LPA: variants seen among roughly 807,000 people sequenced by gnomAD.
The protein encoded by LPA is apolipoprotein(a).
In LPA, 199 loss-of-function variants were observed where a neutral mutation model predicts 197.9. The ratio of observed to expected loss-of-function variants is 1.01; its 90% CI spans 0.90 to 1.13. The LOEUF is 1.13. LPA is among the 50% of genes most tolerant of loss of function. The pLI is 0.00. For synonymous variants in LPA, 715 were observed against 639.5 expected (o/e 1.12, Z -1.78); for missense variants, 1,853 against 1,785.8 (o/e 1.04, Z -0.68).
chr6:160,598,363 A>C (rs1442827061), intron 20 of LPA, among the ~76,000 whole-genome samples: 1 of 152,176 alleles, frequency 6.6e-6, no homozygotes, highest in Non-Finnish European at 1.5e-5. Context: ...CTACCTGAGT[A>C]ATCCCAAAGT....
rs763510764 is a variant in LPA at position 160,542,726 on chromosome 6, G to A, written c.5481C>T (p.His1827=). Residue 1827 remains histidine, a synonymous_variant, in exon 34 of 39, where the codon CAC becomes CAT. Transcript: ENST00000316300. ...TGACTTGCCAGGGCCAGGAATGTGG[G>A]TGGGCCACACACCCCCCTACAATGC... is the stretch of plus-strand genomic sequence containing the variant. ...PGSIVGGCVA[H]PHSWPWQVSL... The A allele has an allele frequency of 7.4e-6, 12 of 1,613,954 alleles. No individual in the cohort carries two copies. Among genetic ancestry groups the A allele is most frequent in the Non-Finnish European group, 9.3e-6 (11 of 1,179,978 alleles).
intron 28 of LPA, among the ~76,000 whole-genome samples, chr6:160,575,883 C>A (rs923353258): frequency 2.0e-5 from 3 of 152,108 alleles, no homozygotes; most frequent in African/African-American, 7.2e-5. Flanking sequence ...CTCTTTATCT[C>A]CACAAATTCT....
At chr6:160,602,879 C>G (rs889590551) in intron 18 of LPA, among the ~76,000 whole-genome samples, 1 of 152,064 alleles carries the variant, frequency 6.6e-6, no homozygotes, top group Non-Finnish European at 1.5e-5. Context: ...ATTTGTATCA[C>G]TGTTCTTCTA....
chr6:160,585,957 G>T (rs1345272084), intron 25 of LPA, among the ~76,000 whole-genome samples: 1 of 152,116 alleles, frequency 6.6e-6, no homozygotes, highest in Non-Finnish European at 1.5e-5. Flanking sequence ...TAAACAATTT[G>T]GTGGCTATGT....
intron 28 of LPA, among the ~76,000 whole-genome samples, chr6:160,561,555 C>A (rs1778362527): frequency 6.6e-6 from 1 of 152,064 alleles, no homozygotes; most frequent in Non-Finnish European, 1.5e-5. Context: ...GATATACAGG[C>A]CCTTTTTCTA....
rs1780268968 is a variant in LPA at position 160,664,053 on chromosome 6, G to A, written c.49+113C>T. On this transcript the variant is annotated intron_variant, in intron 1 of 38. Transcript: ENST00000316300. ...AATCATATACAAGATTTTGAACTGG[G>A]AATTTCATGAATCAAAAATTAAATG... 3.9e-6 allele frequency: 5 copies of A among 1,267,446 alleles called. No homozygotes were observed. The Admixed American group carries it at 8.8e-5, about 22-fold the overall frequency. 78.5% of individuals were successfully genotyped at this position (1,267,446 alleles called of 1,614,324 possible). A position where few individuals can be genotyped will look rare whatever the true frequency, so the allele number is the denominator to read the frequency against.
intron 1 of LPA, among the ~76,000 whole-genome samples, chr6:160,654,317 T>G (rs1275748020): frequency 6.7e-6 from 1 of 149,446 alleles, no homozygotes; most frequent in Non-Finnish European, 1.5e-5. Flanking sequence ...TCTTTTCACA[T>G]TTTTCTCCCT....
chr6:160,608,625 C>A (rs982293243), intron 16 of LPA, among the ~76,000 whole-genome samples: 1 of 151,912 alleles, frequency 6.6e-6, no homozygotes, highest in Non-Finnish European at 1.5e-5. Flanking sequence ...CATTGAATTT[C>A]GTGTTTTTGC....
chr6:160,576,334 GTGTGTGTATATATATA>G (rs1467178646), intron 28 of LPA, among the ~76,000 whole-genome samples: 4,923 of 69,782 alleles, frequency 0.071, 335 homozygotes, highest in African/African-American at 0.26. Flanking sequence ...GTGTGTGTGT[GTGTGTGTATATATATA>G]TATATATATA....
intron 16 of LPA, among the ~76,000 whole-genome samples, chr6:160,610,818 T>G (rs1779486451): frequency 1.3e-5 from 2 of 151,920 alleles, no homozygotes; most frequent in Admixed American, 6.6e-5. Context: ...ATCTATGGAG[T>G]TGAGCTCATC....
chr6:160,654,091 T>A (rs1186585591), intron 1 of LPA, among the ~76,000 whole-genome samples: 1 of 43,978 alleles, frequency 2.3e-5, no homozygotes. Context: ...TTATATATAT[T>A]ATATATAATA....
At chr6:160,654,095 TATA>T (rs1562355122) in intron 1 of LPA, among the ~76,000 whole-genome samples, 2 of 51,146 alleles carry the variant, frequency 3.9e-5, no homozygotes, top group African/African-American at 1.6e-4. Context: ...ATATATTATA[TATA>T]ATATAATATA....
At chr6:160,635,024 G>A (rs1779783334) in intron 7 of LPA, 99 bp downstream of exon 7, 9 of 1,505,540 alleles carry the variant, frequency 6.0e-6, no homozygotes, top group Admixed American at 1.7e-5. Flanking sequence ...CAACACTCGA[G>A]CATCCGTTTA....
chr6:160,553,963 G>GCGCGCGCA lies in LPA; in HGVS notation c.4973+2061_4973+2062insTGCGCGCG, dbSNP rs1554231719. On this transcript the variant is annotated intron_variant, in intron 30 of 38. Transcript: ENST00000316300. ...TGTGTGTGTGTGTGTGTGCGCGCGC[G>GCGCGCGCA]CGCGTGTGCGTGTGTGTGTGTCTTA... 1.6e-4 allele frequency among the ~76,000 whole-genome samples: 24 copies of GCGCGCGCA among 150,114 alleles called. No individual in the cohort carries two copies. In the South Asian group the frequency reaches 3.4e-3, roughly 21 times the overall value.
chr6:160,565,409 C>T (rs541128046), intron 28 of LPA, among the ~76,000 whole-genome samples: 1 of 152,196 alleles, frequency 6.6e-6, no homozygotes, highest in Non-Finnish European at 1.5e-5. Context: ...CCCAGGCAAA[C>T]AGGGACTGGA....
intron 28 of LPA, among the ~76,000 whole-genome samples, chr6:160,576,249 T>C (rs1778656251): frequency 6.7e-6 from 1 of 149,894 alleles, no homozygotes; most frequent in East Asian, 1.9e-4. Flanking sequence ...GCTTTTGCTC[T>C]TCAAGTCCTG....
In LPA at chr6:160,555,461, GTGTATATATATA is replaced by G. The variant is rs1280907120; in HGVS notation, c.4973+552_4973+563del. The stretch of plus-strand genomic sequence containing the variant: ...CATATATATATATATATATATGTGT[GTGTATATATATA>G]TGTATATATATATGAATACTAGTCT... On this transcript the variant is annotated intron_variant, in intron 30 of 38. Coordinates refer to ENST00000316300, the MANE Select transcript of LPA (RefSeq NM_005577.4). Among the ~76,000 whole-genome samples, 175 of 103,202 alleles carry G rather than the reference GTGTATATATATA, an allele frequency of 1.7e-3. 3 individuals are homozygous for G. The highest frequency in any genetic ancestry group is 2.6e-3 in the Non-Finnish European group (119 of 46,596). The allele number at this position is 103,202 out of a possible 152,430, so 67.7% of individuals were successfully genotyped here. A position where few individuals can be genotyped will look rare whatever the true frequency, so the allele number is the denominator to read the frequency against.
intron 28 of LPA, among the ~76,000 whole-genome samples, chr6:160,574,238 T>C (rs936914004): frequency 6.6e-6 from 1 of 151,794 alleles, no homozygotes; most frequent in Non-Finnish European, 1.5e-5. Flanking sequence ...CTGGTCTTAC[T>C]CCCACCATGC....
rs932133537 is a variant in LPA, at chr6:160,606,735, T to C, written c.2604-77A>G. 3.9e-6 allele frequency: 6 copies of C among 1,557,804 alleles called. No homozygotes were observed. The African/African-American group carries it at 5.4e-5, about 14-fold the overall frequency. On this transcript the variant is annotated intron_variant, in intron 16 of 38. Coordinates refer to ENST00000316300, the MANE Select transcript of LPA (RefSeq NM_005577.4). ...GCACCCCACACCCTCTCCTTTGTGC[T>C]GCAACAAGGTCATTACCAGTGCCTT...
Sources: allele counts gnomAD v4.1 joint callset (sites outside exome capture counted in the v4.1 genomes callset), GRCh38; gene constraint gnomAD v4.1.1; transcripts MANE v1.5; gene names NCBI Gene and HGNC (gene_info 2026-07-23, HGNC 2026-07-21).